Variants in RNF121 observed in about 807,000 individuals in gnomAD.
The protein encoded by RNF121 is ring finger protein 121, also known as E3 ubiquitin ligase RNF121.
RNF121 carries 21 observed loss-of-function variants against 46.5 expected under a neutral mutation model. The observed-to-expected ratio is 0.45, with a 90% CI of 0.32 to 0.65. The LOEUF (loss-of-function observed/expected upper bound fraction) is 0.65. RNF121 is among the 30% of genes least tolerant of loss of function. The probability of loss-of-function intolerance (pLI) is 0.04; values close to 1 mark genes in which losing one functional copy is unlikely to be tolerated. For synonymous variants in RNF121, 139 were observed against 144.7 expected, an observed-to-expected ratio of 0.96 and a Z score of 0.28; for missense variants, 346 against 416.0, an observed-to-expected ratio of 0.83 and a Z score of 1.46.
intron 3 of RNF121, among the ~76,000 whole-genome samples, chr11:71,975,653 C>T (rs1297397110): frequency 1.3e-5 from 2 of 152,116 alleles, no homozygotes; most frequent in East Asian, 1.9e-4. Flanking sequence ...CTCTGAATTC[C>T]CCAGTCATTA....
At position 71,995,814 on chromosome 11, in the gene RNF121, T is replaced by TA. The variant is rs149336214; in HGVS notation, c.863+264dup. ...GTGTCAGCCTCAGGCTGTGTTATCT[T>TA]ACACTGGCAGTTCCTTCTTAGAGAA... On this transcript the variant is annotated intron_variant, in intron 8 of 8. Transcript: ENST00000361756. 4.3e-3 allele frequency among the ~76,000 whole-genome samples: 659 copies of TA among 152,298 alleles called. 2 individuals carry two copies. The highest frequency in any genetic ancestry group is 0.015 in the African/African-American group (629 of 41,562).
At chr11:71,947,256 C>G (rs554424704) in intron 1 of RNF121, among the ~76,000 whole-genome samples, 1 of 152,144 alleles carries the variant, frequency 6.6e-6, no homozygotes, top group African/African-American at 2.4e-5. Flanking sequence ...ACCTGTAATC[C>G]GAGCACTTTG....
At chr11:71,994,472 C>T (rs1954932079) in intron 6 of RNF121, among the ~76,000 whole-genome samples, 1 of 152,130 alleles carries the variant, frequency 6.6e-6, no homozygotes, top group South Asian at 2.1e-4. Flanking sequence ...GGTTCTGTTA[C>T]ATCTAACTTC....
At chr11:71,933,784 T>C (rs1953332692) in intron 1 of RNF121, among the ~76,000 whole-genome samples, 1 of 152,258 alleles carries the variant, frequency 6.6e-6, no homozygotes, top group Admixed American at 6.5e-5. Flanking sequence ...TCACTCTGCA[T>C]GTTCCTGGCA....
intron 5 of RNF121, among the ~76,000 whole-genome samples, chr11:71,988,782 A>G (rs1213497182): frequency 2.0e-5 from 3 of 152,156 alleles, no homozygotes; most frequent in African/African-American, 7.2e-5. Context: ...TGATTGTGCC[A>G]CTGCACTCCA....
intron 3 of RNF121, among the ~76,000 whole-genome samples, chr11:71,982,421 T>G (rs1022351823): frequency 6.6e-6 from 1 of 151,512 alleles, no homozygotes; most frequent in African/African-American, 2.4e-5. Flanking sequence ...GGTGAAGATT[T>G]CGTGTTCGAG....
At chr11:71,982,650 G>C in intron 3 of RNF121, 111 bp from the exon 4 acceptor site, 1 of 1,230,020 alleles carries the variant, frequency 8.1e-7, no homozygotes, top group Non-Finnish European at 1.1e-6. Context: ...ATCCAAAGTT[G>C]TAAATACAGG....
At chr11:71,978,101 G>T in intron 3 of RNF121, 3 of 342,358 alleles carry the variant, frequency 8.8e-6, no homozygotes, top group Admixed American at 4.0e-5. Context: ...GGGTTTCACC[G>T]TGTTGCCCAG....
chr11:71,946,799 G>C (rs1313290523), intron 1 of RNF121, among the ~76,000 whole-genome samples: 2 of 150,728 alleles, frequency 1.3e-5, no homozygotes, highest in Non-Finnish European at 3.0e-5. Context: ...TGCAGCCTCT[G>C]CCTCCCGGGT....
chr11:71,931,629 C>T (rs964763709), intron 1 of RNF121, among the ~76,000 whole-genome samples: 1 of 152,144 alleles, frequency 6.6e-6, no homozygotes, highest in Non-Finnish European at 1.5e-5. Context: ...TACCAATTTA[C>T]AGTCGAGTGA....
intron 6 of RNF121, among the ~76,000 whole-genome samples, chr11:71,994,462 G>A (rs1261810420): frequency 6.6e-6 from 1 of 152,060 alleles, no homozygotes; most frequent in Non-Finnish European, 1.5e-5. Flanking sequence ...CCAGTTTATA[G>A]GTTCTGTTAC....
chr11:71,984,346 G>A (rs189791343), intron 4 of RNF121, among the ~76,000 whole-genome samples: 7 of 142,650 alleles, frequency 4.9e-5, no homozygotes, highest in African/African-American at 7.8e-5. Context: ...GCACGATCTC[G>A]GCTCACTCGT....
chr11:71,955,321 C>G (rs936624068), intron 1 of RNF121, among the ~76,000 whole-genome samples: 7 of 152,138 alleles, frequency 4.6e-5, no homozygotes, highest in African/African-American at 9.7e-5. Flanking sequence ...ATTTAATGTA[C>G]ATATTGATCA....
At chr11:71,980,450 G>A (rs192833333) in intron 3 of RNF121, among the ~76,000 whole-genome samples, 8 of 152,166 alleles carry the variant, frequency 5.3e-5, no homozygotes, top group Admixed American at 3.3e-4. Context: ...GGATTCAAGC[G>A]ATTCTCCTGC....
chr11:71,940,545 A>G (rs896687822), intron 1 of RNF121, among the ~76,000 whole-genome samples: 1 of 152,236 alleles, frequency 6.6e-6, no homozygotes, highest in African/African-American at 2.4e-5. Flanking sequence ...AGCTAAATTA[A>G]AAAAGGTAGG....
At chr11:71,954,525 G>C (rs1953948527) in intron 1 of RNF121, among the ~76,000 whole-genome samples, 1 of 152,122 alleles carries the variant, frequency 6.6e-6, no homozygotes, top group African/African-American at 2.4e-5. Flanking sequence ...TGTCCACTTT[G>C]CCAGGAGGAA....
At chr11:71,949,699 CA>C (rs1338364039) in intron 1 of RNF121, among the ~76,000 whole-genome samples, 2 of 151,746 alleles carry the variant, frequency 1.3e-5, no homozygotes, top group Non-Finnish European at 2.9e-5. Flanking sequence ...GACTCCATCT[CA>C]AAACACATGC....
chr11:71,961,371 G>A (rs1198703303), intron 3 of RNF121, among the ~76,000 whole-genome samples: 1 of 151,986 alleles, frequency 6.6e-6, no homozygotes, highest in Non-Finnish European at 1.5e-5. Flanking sequence ...GACTAGCCTG[G>A]GCAACATGGC....
At position 71,955,717 on chromosome 11, in the gene RNF121, A is replaced by G. The variant is rs184032037; in HGVS notation, c.64-1510A>G. Among the ~76,000 whole-genome samples the G allele has an allele frequency of 1.6e-4, 24 of 152,288 alleles. No individual in the cohort carries two copies. In the East Asian group the frequency reaches 4.6e-3, roughly 29 times the overall value. Reference sequence around the variant, plus strand: ...GGTAAGATGCAGGTCCAAGTTGGAGAAGAAGAAGAAGAGTTTTGGCATGTA... The same window carrying G: ...GGTAAGATGCAGGTCCAAGTTGGAGGAGAAGAAGAAGAGTTTTGGCATGTA... On this transcript the variant is annotated intron_variant, in intron 1 of 8. Transcript: ENST00000361756.
Sources: gnomAD v4.1 joint callset for allele counts (sites outside exome capture counted in the v4.1 genomes callset) on GRCh38, gnomAD v4.1.1 for gene constraint, MANE v1.5 for transcripts, NCBI Gene and HGNC (gene_info 2026-07-23, HGNC 2026-07-21) for gene names.